Variants in CACNB4 observed in about 807,000 individuals in gnomAD.
The protein encoded by CACNB4 is voltage-dependent L-type calcium channel subunit beta-4.
CACNB4 carries 32 observed loss-of-function variants against 71.2 expected under a neutral mutation model. The observed-to-expected ratio is 0.45, with a 90% CI of 0.34 to 0.60. The LOEUF is 0.60. Ranked by LOEUF, CACNB4 falls within the 20% of genes least tolerant of loss-of-function variation. CACNB4 has a pLI of 0.01. For synonymous variants in CACNB4, 231 were observed against 236.9 expected, an observed-to-expected ratio of 0.97 and a Z score of 0.23; for missense variants, 464 against 647.9, an observed-to-expected ratio of 0.72 and a Z score of 3.08.
At chr2:152,066,087 C>T (rs1173031860) in intron 2 of CACNB4, among the ~76,000 whole-genome samples, 5 of 152,174 alleles carry the variant, frequency 3.3e-5, no homozygotes, top group African/African-American at 7.2e-5. Context: ...TCAAGTACTT[C>T]GCAACCTCTC....
chr2:151,916,123 A>G (rs567115487), intron 2 of CACNB4, among the ~76,000 whole-genome samples: 1 of 152,160 alleles, frequency 6.6e-6, no homozygotes, highest in Non-Finnish European at 1.5e-5. Context: ...TTGCCAGTGA[A>G]GGATTCACAC....
intron 2 of CACNB4, among the ~76,000 whole-genome samples, chr2:152,040,803 T>C (rs915178136): frequency 6.6e-6 from 1 of 152,198 alleles, no homozygotes; most frequent in Non-Finnish European, 1.5e-5. Context: ...CATCTAACAA[T>C]GTAGTCCTTT....
intron 2 of CACNB4, chr2:151,973,381 C>G (rs905947075): frequency 2.1e-5 from 9 of 424,900 alleles, no homozygotes; most frequent in Non-Finnish European, 3.8e-5. Flanking sequence ...AGCAGTTACC[C>G]CTGGTGAGAT....
At chr2:152,034,929 G>A (rs6728438) in intron 2 of CACNB4, among the ~76,000 whole-genome samples, 7,411 of 152,286 alleles carry the variant, frequency 0.049, 601 homozygotes, top group African/African-American at 0.17. Flanking sequence ...CAAAGGAATC[G>A]TGAGTGCAGC....
At chr2:152,070,867 A>C (rs1055486754) in intron 2 of CACNB4, among the ~76,000 whole-genome samples, 2 of 152,210 alleles carry the variant, frequency 1.3e-5, no homozygotes, top group Non-Finnish European at 2.9e-5. Context: ...TCCCGAGTTC[A>C]AGCGAGTCTC....
chr2:151,984,459 G>C (rs1681218876), intron 2 of CACNB4, among the ~76,000 whole-genome samples: 1 of 152,056 alleles, frequency 6.6e-6, no homozygotes, highest in Non-Finnish European at 1.5e-5. Flanking sequence ...AACTAATACA[G>C]GTTCACTTTT....
At chr2:151,906,643 A>G (rs17270290) in intron 2 of CACNB4, among the ~76,000 whole-genome samples, 33,373 of 152,084 alleles carry the variant, frequency 0.22, 3,881 homozygotes, top group Middle Eastern at 0.39. Flanking sequence ...TCATCTGCTT[A>G]TGATTTAAAG....
rs1182451236 is a variant in CACNB4 at position 151,911,087 on chromosome 2, T to A, written c.148-27717A>T. ...GTGATTGTGAATGGGAGTTCATTCA[T>A]GATTTGGCTCTGCTTGCCTGCTGTT... On this transcript the variant is annotated intron_variant, in intron 2 of 13. Transcript: ENST00000539935. Among the ~76,000 whole-genome samples the A allele has an allele frequency of 3.9e-5, 6 of 152,216 alleles. No individual in the cohort carries two copies. The East Asian group carries it at 1.2e-3, about 29-fold the overall frequency.
At chr2:151,869,069 T>G (rs1298735219) in intron 9 of CACNB4, 108 bp downstream of exon 9, 1 of 699,902 alleles carries the variant, frequency 1.4e-6, no homozygotes, top group Admixed American at 2.5e-5. Flanking sequence ...GAGTTAACTT[T>G]TAACTAGAGA....
intron 2 of CACNB4, among the ~76,000 whole-genome samples, chr2:152,023,594 C>G (rs1012931169): frequency 2.0e-5 from 3 of 152,048 alleles, no homozygotes; most frequent in Non-Finnish European, 4.4e-5. Flanking sequence ...GCCACCACGC[C>G]CAGCTAATTT....
intron 12 of CACNB4, chr2:151,851,738 C>T (rs1457310336): frequency 6.6e-6 from 1 of 152,146 alleles, no homozygotes; most frequent in African/African-American, 2.4e-5. Flanking sequence ...CAATAAATCT[C>T]TTGCATTTGT....
chr2:151,874,768 A>T (rs1157166553), intron 5 of CACNB4, among the ~76,000 whole-genome samples: 1 of 152,176 alleles, frequency 6.6e-6, no homozygotes, highest in Non-Finnish European at 1.5e-5. Context: ...TATCAAATCA[A>T]TGCTTCAGTG....
intron 6 of CACNB4, chr2:151,871,461 C>T (rs2099844613): frequency 6.6e-6 from 1 of 152,410 alleles, no homozygotes; most frequent in African/African-American, 2.4e-5. Flanking sequence ...TTTGTAATAG[C>T]TAAAGTGTTC....
intron 2 of CACNB4, among the ~76,000 whole-genome samples, chr2:152,042,348 A>G (rs1450174199): frequency 6.6e-6 from 1 of 152,048 alleles, no homozygotes; most frequent in Non-Finnish European, 1.5e-5. Context: ...TCTGGTTCTT[A>G]TATGTCGTAG....
chr2:151,860,646 A>G (rs560590313), intron 10 of CACNB4, 65 bp downstream of exon 10: 15 of 1,059,998 alleles, frequency 1.4e-5, no homozygotes, highest in East Asian at 2.4e-5. Context: ...ACATTCACAA[A>G]TGCACCATGT....
chr2:151,891,799 G>A (rs2099850768), intron 2 of CACNB4, among the ~76,000 whole-genome samples: 1 of 152,120 alleles, frequency 6.6e-6, no homozygotes, highest in Non-Finnish European at 1.5e-5. Context: ...TCACCTACTG[G>A]GAGAAGGTGG....
In CACNB4 at chr2:151,928,301, G is replaced by A. The variant is rs145259433; in HGVS notation, c.148-44931C>T. On this transcript the variant is annotated intron_variant, in intron 2 of 13. Transcript: ENST00000539935. Reference sequence around the variant, plus strand: ...CCAGTTTGATGCTCCCTTTTACAGCGCTTTCTACATTTTGTGTTAAATTGT... The same window carrying A: ...CCAGTTTGATGCTCCCTTTTACAGCACTTTCTACATTTTGTGTTAAATTGT... Among the ~76,000 whole-genome samples the A allele has an allele frequency of 1.7e-3, 260 of 152,242 alleles. 2 individuals are homozygous for A. Among genetic ancestry groups the A allele is most frequent in the East Asian group, 0.016 (81 of 5,186 alleles).
At chr2:152,026,431 CTGGAGTG>C in intron 2 of CACNB4, among the ~76,000 whole-genome samples, 2 of 151,842 alleles carry the variant, frequency 1.3e-5, no homozygotes, top group Non-Finnish European at 2.9e-5. Context: ...GTCACCCAGG[CTGGAGTG>C]CAGTGGTGCC....
At position 151,890,461 on chromosome 2, in the gene CACNB4, G is replaced by C. The variant is rs184680472; in HGVS notation, c.148-7091C>G. Among the ~76,000 whole-genome samples, 17 of 152,256 alleles carry C rather than the reference G, an allele frequency of 1.1e-4. No individual in the cohort carries two copies. The East Asian group carries it at 2.5e-3, about 22-fold the overall frequency. ...GAAGTAAGTTATGATTATCCACCCT[G>C]TACGGATGAGGCATCTGAGGCTCAG... On this transcript the variant is annotated intron_variant, in intron 2 of 13. Transcript: ENST00000539935.
Sources: allele counts gnomAD v4.1 joint callset (sites outside exome capture counted in the v4.1 genomes callset), GRCh38; gene constraint gnomAD v4.1.1; transcripts MANE v1.5; gene names NCBI Gene and HGNC (gene_info 2026-07-23, HGNC 2026-07-21).